The following NAA30 variants were observed in gnomAD, a reference collection of about 807,000 sequenced individuals.
NAA30 encodes N-alpha-acetyltransferase 30.
Under a neutral mutation model 31.4 loss-of-function variants are expected in NAA30, and 5 were observed. That is an observed-to-expected ratio of 0.16 (90% CI 0.08 to 0.33). The LOEUF is 0.33. Ranked by LOEUF, NAA30 falls within the 10% of genes least tolerant of loss-of-function variation. NAA30 has a pLI of 1.00. For missense variants in NAA30, 428 were observed against 490.8 expected, an observed-to-expected ratio of 0.87 and a Z score of 1.21; for synonymous variants, 222 against 207.1, an observed-to-expected ratio of 1.07 and a Z score of -0.62.
At chr14:57,404,474 CTTA>C (rs2066490284) in intron 4 of NAA30, among the ~76,000 whole-genome samples, 1 of 152,048 alleles carries the variant, frequency 6.6e-6, no homozygotes, top group South Asian at 2.1e-4. Context: ...CTAATTTTTG[CTTA>C]TTTATATTAA....
At chr14:57,393,449 A>G in intron 2 of NAA30, among the ~76,000 whole-genome samples, 1 of 152,200 alleles carries the variant, frequency 6.6e-6, no homozygotes, top group Admixed American at 6.5e-5. Context: ...GTATTAAACA[A>G]TAATAAAACA....
rs2066429642 is a variant in NAA30, at chr14:57,391,851, T to A, written c.771+123T>A. 1 of 749,458 alleles carries A rather than the reference T, an allele frequency of 1.3e-6. No homozygotes were observed. The highest frequency in any genetic ancestry group is 3.8e-4 in the Middle Eastern group (1 of 2,644). The allele number at this position is 749,458 out of a possible 1,614,324, so 46.4% of individuals were successfully genotyped here. On this transcript the variant is annotated intron_variant, in intron 2 of 4. Transcript: ENST00000556492. This position sits in a 1 kb window ranked among gnomAD's most constrained non-coding sequence, Gnocchi z 4.1. Reference sequence around the variant, plus strand: ...CTGCGTATCATAGTACGTTATATGATGTCAAGTGCTGTACACATTCCTAGT... The same window carrying A: ...CTGCGTATCATAGTACGTTATATGAAGTCAAGTGCTGTACACATTCCTAGT...
chr14:57,403,551 A>T (rs527306971), intron 4 of NAA30, among the ~76,000 whole-genome samples: 18 of 152,310 alleles, frequency 1.2e-4, no homozygotes, highest in Non-Finnish European at 2.2e-4. Context: ...TAGCTAAAAA[A>T]TTTTTTCATT....
At chr14:57,394,197 C>T (rs1270491560) in intron 2 of NAA30, among the ~76,000 whole-genome samples, 1 of 149,756 alleles carries the variant, frequency 6.7e-6, no homozygotes, top group Non-Finnish European at 1.5e-5. Flanking sequence ...TTCATAGTAA[C>T]ATTTTCAGTT....
Position 57,414,180 on chromosome 14 carries a change from G to A in NAA30, c.*4664G>A, listed in dbSNP as rs150891890. 1.1e-4 allele frequency: 16 copies of A among 152,366 alleles called. No homozygotes were observed. Among genetic ancestry groups the A allele is most frequent in the African/African-American group, 3.8e-4 (16 of 41,596 alleles). 9.4% of individuals were successfully genotyped at this position (152,366 alleles called of 1,614,324 possible). A position where few individuals can be genotyped will look rare whatever the true frequency, so the allele number is the denominator to read the frequency against. ...TATTATCCCAGCGTTTTGGGAGGCT[G>A]AGATGGTAGTTTGCAACCAGCCAGG... On this transcript the variant is annotated 3_prime_UTR_variant, in exon 5 of 5. Coordinates refer to ENST00000556492, the MANE Select transcript of NAA30 (RefSeq NM_001011713.3).
At chr14:57,409,303 T>C in intron 4 of NAA30, 76 bp from the exon 5 acceptor site, 1 of 1,196,316 alleles carries the variant, frequency 8.4e-7, no homozygotes, top group Non-Finnish European at 1.1e-6. Flanking sequence ...TATGATTTTT[T>C]AAAAAATTGT....
At position 57,412,488 on chromosome 14, in the gene NAA30, C is replaced by T. The variant is rs550076454; in HGVS notation, c.*2972C>T. 3.3e-5 allele frequency: 5 copies of T among 152,258 alleles called. No homozygotes were observed. The highest frequency in any genetic ancestry group is 5.9e-5 in the Non-Finnish European group (4 of 68,006). 9.4% of individuals were successfully genotyped at this position (152,258 alleles called of 1,614,324 possible). ...AGAGTTACTTTTCAGTGCACCATGA[C>T]ATCACTAAAATGAGTGCTGTAATGT... is the stretch of plus-strand genomic sequence containing the variant. On this transcript the variant is annotated 3_prime_UTR_variant, in exon 5 of 5. Coordinates refer to ENST00000556492, the MANE Select transcript of NAA30 (RefSeq NM_001011713.3).
At chr14:57,394,711 T>C (rs2066443537) in intron 2 of NAA30, among the ~76,000 whole-genome samples, 2 of 152,186 alleles carry the variant, frequency 1.3e-5, no homozygotes, top group South Asian at 4.1e-4. Flanking sequence ...AATTTAATAT[T>C]TTGTTTGCTT....
chr14:57,407,327 T>C (rs983260191), intron 4 of NAA30, among the ~76,000 whole-genome samples: 1 of 152,202 alleles, frequency 6.6e-6, no homozygotes, highest in Non-Finnish European at 1.5e-5. Context: ...TTTAGATCTT[T>C]TAAAGGTTTA....
intron 4 of NAA30, among the ~76,000 whole-genome samples, chr14:57,408,478 T>C (rs1367437822): frequency 6.6e-6 from 1 of 152,230 alleles, no homozygotes; most frequent in African/African-American, 2.4e-5. Context: ...TGTGTTCCTC[T>C]GTTAAGCTTT....
At chr14:57,397,929 CTTCTA>C (rs1410180752) in intron 3 of NAA30, among the ~76,000 whole-genome samples, 1 of 152,154 alleles carries the variant, frequency 6.6e-6, no homozygotes, top group Non-Finnish European at 1.5e-5. Flanking sequence ...AAAAACCACT[CTTCTA>C]TTCTCTAGGA....
Position 57,391,259 on chromosome 14 carries a change from T to C in NAA30, c.302T>C (p.Leu101Pro). Residue 101 changes from leucine to proline, a missense_variant, in exon 2 of 5, where the codon CTC (leucine) becomes CCC (proline). Leu to Pro is a moderately conservative substitution (Grantham distance 98, BLOSUM62 -3). Coordinates refer to ENST00000556492, the MANE Select transcript of NAA30 (RefSeq NM_001011713.3). The surrounding 1 kb of genome is among the most constrained non-coding windows in gnomAD (Gnocchi z 4.1). ...ELRHLRAAAS[L>P]KSKVLSVAEV... is the part of the protein sequence containing the mutation. ...CGGCACCTCCGGGCGGCCGCCTCCC[T>C]CAAGAGCAAGGTCCTGAGCGTAGCA... 1 of 1,612,092 alleles carries C rather than the reference T, an allele frequency of 6.2e-7. No individual in the cohort carries two copies. The highest frequency in any genetic ancestry group is 8.5e-7 in the Non-Finnish European group (1 of 1,179,732).
chr14:57,395,553 C>CT, intron 2 of NAA30, among the ~76,000 whole-genome samples: 1 of 152,256 alleles, frequency 6.6e-6, no homozygotes, highest in South Asian at 2.1e-4. Context: ...GTTACTAGAA[C>CT]TTTTTATCAG....
intron 4 of NAA30, among the ~76,000 whole-genome samples, chr14:57,400,163 A>G (rs1006066473): frequency 6.6e-6 from 1 of 152,214 alleles, no homozygotes; most frequent in East Asian, 1.9e-4. Flanking sequence ...TATTTAAGGT[A>G]GCTCTTATTA....
intron 4 of NAA30, among the ~76,000 whole-genome samples, chr14:57,400,800 C>T (rs772623084): frequency 3.3e-5 from 5 of 151,992 alleles, no homozygotes; most frequent in Non-Finnish European, 5.9e-5. Context: ...TTAACAAAGT[C>T]CCTTCTACCA....
At chr14:57,390,936 C>G in intron 1 of NAA30, 21 bp from the exon 2 acceptor site, 1 of 1,463,458 alleles carries the variant, frequency 6.8e-7, no homozygotes, top group Non-Finnish European at 9.0e-7. Context: ...GGCCTCCCCT[C>G]TCGGTCTGTG....
At chr14:57,403,467 T>C (rs1027948026) in intron 4 of NAA30, among the ~76,000 whole-genome samples, 3 of 152,246 alleles carry the variant, frequency 2.0e-5, no homozygotes, top group African/African-American at 7.2e-5. Flanking sequence ...CCTAGTCTAA[T>C]TGATGTTTTC....
At chr14:57,396,940 A>G in intron 3 of NAA30, 65 bp downstream of exon 3, 5 of 1,510,956 alleles carry the variant, frequency 3.3e-6, no homozygotes, top group Non-Finnish European at 4.5e-6. Context: ...GTGTTTTGAA[A>G]TAAAAGACTT....
intron 4 of NAA30, among the ~76,000 whole-genome samples, chr14:57,402,480 T>G (rs1260911567): frequency 1.3e-5 from 2 of 152,210 alleles, no homozygotes; most frequent in African/African-American, 2.4e-5. Flanking sequence ...TCTCTCTTGT[T>G]TAAGTACTTT....
Sources: gnomAD v4.1 joint callset for allele counts (sites outside exome capture counted in the v4.1 genomes callset) on GRCh38, gnomAD v4.1.1 for gene constraint, Gnocchi (gnomAD v3.1) non-coding constraint, MANE v1.5 for transcripts, NCBI Gene and HGNC (gene_info 2026-07-23, HGNC 2026-07-21) for gene names.